HNRNPC: variants seen among roughly 807,000 people sequenced by gnomAD.
HNRNPC encodes heterogeneous nuclear ribonucleoprotein C.
Under a neutral mutation model 33.2 loss-of-function variants are expected in HNRNPC, and 3 were observed. The ratio of observed to expected loss-of-function variants is 0.09; its 90% confidence interval spans 0.04 to 0.23. HNRNPC has a LOEUF of 0.23. Ranked by LOEUF, HNRNPC falls within the 10% of genes least tolerant of loss-of-function variation. HNRNPC has a pLI of 1.00. For missense variants in HNRNPC, 143 were observed against 366.7 expected, an observed-to-expected ratio of 0.39 and a Z score of 4.98; for synonymous variants, 121 against 126.7, an observed-to-expected ratio of 0.96 and a Z score of 0.30.
chr14:21,225,793 G>A (rs1011134868), intron 5 of HNRNPC, among the ~76,000 whole-genome samples: 12 of 152,110 alleles, frequency 7.9e-5, no homozygotes, highest in South Asian at 2.1e-4. Flanking sequence ...GTGCCACTCC[G>A]TGGTTTTTAT....
At chr14:21,260,322 C>T (rs577328302) in intron 2 of HNRNPC, among the ~76,000 whole-genome samples, 7 of 141,250 alleles carry the variant, frequency 5.0e-5, no homozygotes, top group Admixed American at 3.6e-4. Flanking sequence ...GCCAAGATCA[C>T]ACCACTGCAC....
intron 2 of HNRNPC, among the ~76,000 whole-genome samples, chr14:21,246,394 C>T (rs1895982348): frequency 6.6e-6 from 1 of 152,010 alleles, no homozygotes; most frequent in East Asian, 1.9e-4. Context: ...TCCGTCTCTA[C>T]TAAAAATACA....
In HNRNPC at chr14:21,230,371, AAAAT is replaced by A; in HGVS notation, c.318-9_318-6del. The A allele has an allele frequency of 6.2e-7, 1 of 1,605,640 alleles. No individual in the cohort carries two copies. The highest frequency in any genetic ancestry group is 8.5e-7 in the Non-Finnish European group (1 of 1,172,758). ...TAGTCCAAGTCAAAAGAGGAGCTGA[AAAAT>A]AAATACCGAAAAGGGTTAATTTGGA... On this transcript the variant is annotated splice_region_variant and splice_polypyrimidine_tract_variant and intron_variant, in intron 4 of 8. Coordinates refer to ENST00000553300, the MANE Select transcript of HNRNPC (RefSeq NM_004500.4).
At chr14:21,251,639 G>A (rs942238766) in intron 2 of HNRNPC, among the ~76,000 whole-genome samples, 3 of 151,168 alleles carry the variant, frequency 2.0e-5, no homozygotes, top group African/African-American at 4.9e-5. Context: ...CCAAGACTGC[G>A]CCGCTGCACT....
intron 5 of HNRNPC, chr14:21,213,348 G>T: frequency 2.1e-6 from 1 of 479,220 alleles, no homozygotes; most frequent in Non-Finnish European, 3.7e-6. Context: ...TTTTCCTCAG[G>T]AAAATAAAAC....
intron 2 of HNRNPC, among the ~76,000 whole-genome samples, chr14:21,251,281 A>G (rs866196537): frequency 4.0e-5 from 6 of 148,958 alleles, no homozygotes; most frequent in African/African-American, 1.0e-4. Flanking sequence ...AAAAAAAAAA[A>G]AAAGACTTCA....
intron 2 of HNRNPC, among the ~76,000 whole-genome samples, chr14:21,234,475 GA>G (rs200122070): frequency 4.0e-5 from 6 of 150,854 alleles, no homozygotes; most frequent in African/African-American, 1.5e-4. Context: ...AAATTCTCAG[GA>G]AAAAAAAATT....
At chr14:21,230,570 C>G (rs1025119651) in intron 4 of HNRNPC, 3 of 550,356 alleles carry the variant, frequency 5.5e-6, no homozygotes, top group African/African-American at 3.8e-5. Flanking sequence ...ATTGGAAATT[C>G]AGGTTAAAAT....
intron 5 of HNRNPC, among the ~76,000 whole-genome samples, chr14:21,227,426 G>A (rs929727120): frequency 1.3e-5 from 2 of 152,164 alleles, no homozygotes; most frequent in South Asian, 2.1e-4. Flanking sequence ...ACTGGCTGAC[G>A]TTAGAACAAT....
intron 5 of HNRNPC, among the ~76,000 whole-genome samples, chr14:21,218,051 A>T (rs1892388313): frequency 6.6e-6 from 1 of 152,116 alleles, no homozygotes; most frequent in South Asian, 2.1e-4. Flanking sequence ...GAAAAAAAAA[A>T]TCCCTGGCTT....
At chr14:21,261,799 TA>T (rs1878294671) in intron 2 of HNRNPC, among the ~76,000 whole-genome samples, 1 of 152,224 alleles carries the variant, frequency 6.6e-6, no homozygotes, top group South Asian at 2.1e-4. Context: ...AGAGCAACTC[TA>T]AAATGGTTAT....
intron 2 of HNRNPC, among the ~76,000 whole-genome samples, chr14:21,246,516 G>T (rs1440518248): frequency 6.6e-6 from 1 of 150,572 alleles, no homozygotes; most frequent in Non-Finnish European, 1.5e-5. Flanking sequence ...CAGTGAGCTG[G>T]AGATTGCGCC....
At chr14:21,244,794 T>A (rs1356389275) in intron 2 of HNRNPC, among the ~76,000 whole-genome samples, 1 of 152,108 alleles carries the variant, frequency 6.6e-6, no homozygotes, top group Admixed American at 6.6e-5. Context: ...ACTACAAACC[T>A]GCATAGCATG....
At chr14:21,242,479 G>A (rs541652464) in intron 2 of HNRNPC, among the ~76,000 whole-genome samples, 3 of 152,284 alleles carry the variant, frequency 2.0e-5, no homozygotes, top group African/African-American at 4.8e-5. Context: ...GCAAGACTCC[G>A]TCTCAAAAAG....
At chr14:21,253,166 C>CT (rs369952713) in intron 2 of HNRNPC, among the ~76,000 whole-genome samples, 28 of 129,108 alleles carry the variant, frequency 2.2e-4, no homozygotes, top group African/African-American at 7.7e-4. Context: ...GAGCAAGACT[C>CT]TGTCTTTAAA....
Position 21,211,823 on chromosome 14 carries a change from C to T in HNRNPC, c.624G>A (p.Gln208=). ...AAACCCATTTACCTGCTTGTTTGCT[C>T]TGTTCCTTTTCAATTTTTTCCAGGT... The part of the protein sequence containing the change: ...LENLEKIEKE[Q]SKQAVEMKND... Residue 208 remains glutamine, a synonymous_variant, in exon 7 of 9, where the codon CAG becomes CAA. Transcript: ENST00000553300. The T allele has an allele frequency of 6.2e-7, 1 of 1,612,212 alleles. No homozygotes were observed. Among genetic ancestry groups the T allele is most frequent in the African/African-American group, 1.3e-5 (1 of 74,984 alleles).
chr14:21,241,337 C>T (rs1250807734), intron 2 of HNRNPC, among the ~76,000 whole-genome samples: 1 of 151,084 alleles, frequency 6.6e-6, no homozygotes, highest in Admixed American at 6.6e-5. Flanking sequence ...AATTAAATGC[C>T]AATTCTATAT....
At chr14:21,243,154 G>A (rs1895556832) in intron 2 of HNRNPC, among the ~76,000 whole-genome samples, 1 of 152,026 alleles carries the variant, frequency 6.6e-6, no homozygotes, top group Non-Finnish European at 1.5e-5. Context: ...CACTAGACTG[G>A]GCAAAAGAGA....
chr14:21,229,907 T>C (rs1354775491), intron 5 of HNRNPC, among the ~76,000 whole-genome samples: 1 of 152,180 alleles, frequency 6.6e-6, no homozygotes, highest in East Asian at 1.9e-4. Context: ...GCCAAATAAG[T>C]CTTAACATTT....
Sources: allele counts gnomAD v4.1 joint callset (sites outside exome capture counted in the v4.1 genomes callset), GRCh38; gene constraint gnomAD v4.1.1; transcripts MANE v1.5; gene names NCBI Gene and HGNC (gene_info 2026-07-23, HGNC 2026-07-21).